Variants in ZBTB20 observed in about 807,000 individuals in gnomAD.
ZBTB20 encodes the protein zinc finger and BTB domain containing 20.
A neutral mutation model predicts 56.9 loss-of-function variants in ZBTB20; 9 were observed. The ratio of observed to expected loss-of-function variants is 0.16; its 90% CI spans 0.10 to 0.28. The LOEUF (loss-of-function observed/expected upper bound fraction) is 0.28, where lower values mean the gene tolerates loss of function less well. Ranked by LOEUF, ZBTB20 falls within the 10% of genes least tolerant of loss-of-function variation. The pLI is 1.00. For missense variants in ZBTB20, 655 were observed against 1,003.0 expected (o/e 0.65, Z 4.69); for synonymous variants, 417 against 420.7 (o/e 0.99, Z 0.11).
chr3:114,408,988 C>T (rs1386771848), intron 7 of ZBTB20, among the ~76,000 whole-genome samples: 1 of 152,030 alleles, frequency 6.6e-6, no homozygotes, highest in Non-Finnish European at 1.5e-5. Context: ...CTTCATACAT[C>T]ACAAAGCTGC....
chr3:114,764,695 T>C (rs756743298), intron 5 of ZBTB20, among the ~76,000 whole-genome samples: 23 of 152,198 alleles, frequency 1.5e-4, no homozygotes, highest in Admixed American at 2.6e-4. Flanking sequence ...GTAAACAAGA[T>C]CACCAATTTC....
In ZBTB20 at chr3:115,038,851, A is replaced by T. The variant is rs569077233; in HGVS notation, c.-507+32368T>A. ...GAAAGTGGTAACGTCTAAAGGTTTA[A>T]CATTTTAAAATAATATTTTCACCTT... is the stretch of plus-strand genomic sequence containing the variant. On this transcript the variant is annotated intron_variant, in intron 2 of 11. Coordinates refer to ENST00000675478, the MANE Select transcript of ZBTB20 (RefSeq NM_001348800.3). Among the ~76,000 whole-genome samples, 7 of 152,290 alleles carry T rather than the reference A, an allele frequency of 4.6e-5. No individual in the cohort carries two copies. The East Asian group carries it at 1.3e-3, about 29-fold the overall frequency.
rs1389599135 is a variant in ZBTB20, at chr3:114,325,793, C to G, written c.*13212G>C. The G allele has an allele frequency of 3.3e-5, 5 of 152,160 alleles. No individual in the cohort carries two copies. The highest frequency in any genetic ancestry group is 1.2e-4 in the African/African-American group (5 of 41,436). 9.4% of individuals were successfully genotyped at this position (152,160 alleles called of 1,614,324 possible). A position where few individuals can be genotyped will look rare whatever the true frequency, so the allele number is the denominator to read the frequency against. ...CAATTATAGCACAAAAGAAAGGTTA[C>G]AAAAACGTTGTCAGGCTATCTGTTA... On this transcript the variant is annotated 3_prime_UTR_variant, in exon 12 of 12. Transcript: ENST00000675478.
chr3:114,475,749 G>A (rs923561351), intron 7 of ZBTB20, among the ~76,000 whole-genome samples: 1 of 152,162 alleles, frequency 6.6e-6, no homozygotes, highest in Non-Finnish European at 1.5e-5. Context: ...TAATTGAGAA[G>A]CTTGGAAACC....
intron 3 of ZBTB20, among the ~76,000 whole-genome samples, chr3:114,973,444 GGGCT>G: frequency 6.6e-6 from 1 of 152,038 alleles, no homozygotes; most frequent in East Asian, 1.9e-4. Context: ...CTCGATCTTG[GGGCT>G]GGCTGGTTTT....
intron 3 of ZBTB20, among the ~76,000 whole-genome samples, chr3:114,927,653 A>C (rs1560408029): frequency 6.6e-6 from 1 of 152,244 alleles, no homozygotes; most frequent in Non-Finnish European, 1.5e-5. Context: ...GAACTCTCTC[A>C]AGAACTGGCA....
chr3:115,023,665 GT>G (rs1259993448), intron 2 of ZBTB20, among the ~76,000 whole-genome samples: 1 of 150,470 alleles, frequency 6.6e-6, no homozygotes, highest in African/African-American at 2.4e-5. Flanking sequence ...TTTTTAAATT[GT>G]TCCTTCCCTT....
intron 6 of ZBTB20, among the ~76,000 whole-genome samples, chr3:114,540,689 T>C (rs545632423): frequency 6.6e-6 from 1 of 152,258 alleles, no homozygotes; most frequent in Non-Finnish European, 1.5e-5. Flanking sequence ...TGAGCTTAAG[T>C]ACCTAATTAT....
At chr3:114,376,729 G>C (rs891882934) in intron 10 of ZBTB20, among the ~76,000 whole-genome samples, 6 of 152,180 alleles carry the variant, frequency 3.9e-5, no homozygotes, top group African/African-American at 1.2e-4. Flanking sequence ...CTGTTCATGC[G>C]TAAGTGCATC....
At chr3:114,730,204 TTGTGTGTG>T (rs140060489) in intron 5 of ZBTB20, among the ~76,000 whole-genome samples, 2 of 150,404 alleles carry the variant, frequency 1.3e-5, no homozygotes, top group East Asian at 3.9e-4. Flanking sequence ...TGTTGCAATT[TTGTGTGTG>T]TGTGTGTGTG....
intron 1 of ZBTB20, among the ~76,000 whole-genome samples, chr3:115,140,554 T>TG (rs527816798): frequency 1.1e-3 from 168 of 152,128 alleles, no homozygotes; most frequent in African/African-American, 3.4e-3. Flanking sequence ...TGTATGTGTG[T>TG]GTGGTGGTGG....
At chr3:114,541,024 T>C (rs2049050270) in intron 6 of ZBTB20, among the ~76,000 whole-genome samples, 1 of 152,062 alleles carries the variant, frequency 6.6e-6, no homozygotes, top group African/African-American at 2.4e-5. Flanking sequence ...GAATATAGGA[T>C]CAGATTACCT....
chr3:114,340,161 C>G (rs973870693), intron 11 of ZBTB20, among the ~76,000 whole-genome samples: 1 of 151,934 alleles, frequency 6.6e-6, no homozygotes, highest in African/African-American at 2.4e-5. Context: ...ATGATGATAT[C>G]AGACTCAAAT....
At chr3:114,704,826 C>T (rs1263745817) in intron 5 of ZBTB20, among the ~76,000 whole-genome samples, 2 of 152,122 alleles carry the variant, frequency 1.3e-5, no homozygotes, top group African/African-American at 4.8e-5. Flanking sequence ...GACAAATGCT[C>T]TTTCTACTAC....
At chr3:115,056,350 A>G (rs1422004543) in intron 2 of ZBTB20, among the ~76,000 whole-genome samples, 1 of 152,104 alleles carries the variant, frequency 6.6e-6, no homozygotes, top group Non-Finnish European at 1.5e-5. Context: ...CAACCCTGTG[A>G]GAGGTAAAGA....
At chr3:114,967,731 T>A (rs147267674) in intron 3 of ZBTB20, among the ~76,000 whole-genome samples, 1 of 151,942 alleles carries the variant, frequency 6.6e-6, no homozygotes, top group Admixed American at 6.6e-5. Flanking sequence ...CCGAAGCGGG[T>A]GGATCACCCG....
chr3:114,997,954 G>A (rs2079093238), intron 2 of ZBTB20, among the ~76,000 whole-genome samples: 1 of 151,706 alleles, frequency 6.6e-6, no homozygotes, highest in Non-Finnish European at 1.5e-5. Context: ...ACATTAGCCA[G>A]CTAGAAATGG....
chr3:114,643,028 G>A (rs1436297725), intron 6 of ZBTB20, among the ~76,000 whole-genome samples: 1 of 151,968 alleles, frequency 6.6e-6, no homozygotes, highest in African/African-American at 2.4e-5. Flanking sequence ...TCTTAGCTTG[G>A]CAGAAATTCA....
At chr3:115,056,073 A>G (rs778181668) in intron 2 of ZBTB20, among the ~76,000 whole-genome samples, 4 of 152,170 alleles carry the variant, frequency 2.6e-5, no homozygotes, top group Non-Finnish European at 5.9e-5. Context: ...TCAAAAAGTG[A>G]GTATCTTTAA....
Sources: gnomAD v4.1 joint callset for allele counts (sites outside exome capture counted in the v4.1 genomes callset) on GRCh38, gnomAD v4.1.1 for gene constraint, MANE v1.5 for transcripts, NCBI Gene and HGNC (gene_info 2026-07-23, HGNC 2026-07-21) for gene names.